TMBIM6: variants seen among roughly 807,000 people sequenced by gnomAD.
The protein encoded by TMBIM6 is transmembrane BAX inhibitor motif containing 6, also known as bax inhibitor 1.
In TMBIM6, 13 loss-of-function variants were observed where a neutral mutation model predicts 31.4. The observed-to-expected ratio is 0.41, with a 90% CI of 0.27 to 0.66. The LOEUF (loss-of-function observed/expected upper bound fraction) is 0.66, where lower values mean the gene tolerates loss of function less well. Ranked by LOEUF, TMBIM6 falls within the 30% of genes least tolerant of loss-of-function variation. The pLI, the probability that TMBIM6 is intolerant of heterozygous loss-of-function variation, is 0.28. For missense variants in TMBIM6, 275 were observed against 289.5 expected (o/e 0.95, Z 0.36); for synonymous variants, 85 against 101.7 (o/e 0.84, Z 0.99).
Position 49,761,153 on chromosome 12 carries a change from T to C in TMBIM6, c.615-551T>C, listed in dbSNP as rs1026401543. On this transcript the variant is annotated intron_variant, in intron 8 of 9. Transcript: ENST00000267115. ...GCTCGGCACTTTTTTTTTAATGTAG[T>C]GATTCTCTCAGTCTCATGACTAATT... 2.6e-5 allele frequency among the ~76,000 whole-genome samples: 4 copies of C among 151,312 alleles called. No homozygotes were observed. In the East Asian group the frequency reaches 7.9e-4, roughly 30 times the overall value.
chr12:49,763,035 T>C lies in TMBIM6; in HGVS notation c.*139T>C, dbSNP rs1945749724. On this transcript the variant is annotated 3_prime_UTR_variant, in exon 10 of 10. Transcript: ENST00000267115. ...TTGTACTTTGTGGTTTCCTCTATTT[T>C]GAATTTTTTGATCAAAAAACTGATT... The C allele has an allele frequency of 1.0e-6, 1 of 969,426 alleles. No homozygotes were observed. Among genetic ancestry groups the C allele is most frequent in the South Asian group, 2.0e-5 (1 of 49,432 alleles). The allele number at this position is 969,426 out of a possible 1,614,324, so 60.1% of individuals were successfully genotyped here.
rs1394531172 is a variant in TMBIM6 at position 49,762,852 on chromosome 12, G to A, written c.691-21G>A. 3 of 1,611,284 alleles carry A rather than the reference G, an allele frequency of 1.9e-6. No individual in the cohort carries two copies. In the Admixed American group the frequency reaches 5.0e-5, roughly 27 times the overall value. ...TGTCAAATGTCAAAAAATTAATTGG[G>A]TGATTTTTCTCCATTTCTAGGATAA... On this transcript the variant is annotated intron_variant, in intron 9 of 9. Transcript: ENST00000267115.
intron 9 of TMBIM6, 189 bp downstream of exon 9, chr12:49,761,968 T>A (rs201653311): frequency 1.7e-4 from 96 of 552,582 alleles, no homozygotes; most frequent in East Asian, 8.4e-4. Flanking sequence ...GAAAAAAAAA[T>A]TTTTTTAACT....
intron 3 of TMBIM6, among the ~76,000 whole-genome samples, chr12:49,754,116 G>C (rs1945545943): frequency 6.6e-6 from 1 of 152,092 alleles, no homozygotes; most frequent in Non-Finnish European, 1.5e-5. Context: ...TGGTCATTTA[G>C]TGCCACTTCC....
At chr12:49,742,200 G>A (rs766617632) in intron 1 of TMBIM6, 4 of 1,613,060 alleles carry the variant, frequency 2.5e-6, no homozygotes, top group East Asian at 4.5e-5. Context: ...GAGGCGGGAA[G>A]TGAGAGGAGT....
chr12:49,761,613 G>T (rs1010851058), intron 8 of TMBIM6, 91 bp from the exon 9 acceptor site: 1 of 1,155,824 alleles, frequency 8.7e-7, no homozygotes. Context: ...TGGCTCGTGG[G>T]GGTAGGGGTG....
rs1346258721 is a variant in TMBIM6 at position 49,764,172 on chromosome 12, C to G, written c.*1276C>G. The G allele has an allele frequency of 6.8e-6, 1 of 147,142 alleles. No individual in the cohort carries two copies. Among genetic ancestry groups the G allele is most frequent in the African/African-American group, 2.7e-5 (1 of 36,956 alleles). 9.1% of individuals were successfully genotyped at this position (147,142 alleles called of 1,614,324 possible). On this transcript the variant is annotated 3_prime_UTR_variant, in exon 10 of 10. Transcript: ENST00000267115. ...TGGCTTCAAGTGTGGGTGGACAGTC[C>G]TAATGGGGATCTCCAGCTCCTTCCT... is the stretch of plus-strand genomic sequence containing the variant.
At chr12:49,745,924 G>A (rs375301027) in intron 1 of TMBIM6, among the ~76,000 whole-genome samples, 196 of 152,218 alleles carry the variant, frequency 1.3e-3, no homozygotes, top group South Asian at 0.011. Flanking sequence ...ATAATGTTTG[G>A]TAGGTTATAT....
At chr12:49,743,102 C>T (rs904315406) in intron 1 of TMBIM6, among the ~76,000 whole-genome samples, 13 of 151,672 alleles carry the variant, frequency 8.6e-5, no homozygotes, top group African/African-American at 3.1e-4. Flanking sequence ...CCACCCCAGC[C>T]TCCTGAGTAG....
chr12:49,758,804 C>T, intron 7 of TMBIM6, 42 bp downstream of exon 7: 9 of 1,393,816 alleles, frequency 6.5e-6, no homozygotes, highest in African/African-American at 3.1e-5. Context: ...ATTTGCCTCA[C>T]ACTTCTTTCT....
chr12:49,746,080 CTT>C (rs552800208), intron 1 of TMBIM6, among the ~76,000 whole-genome samples: 1 of 143,932 alleles, frequency 6.9e-6, no homozygotes, highest in Non-Finnish European at 1.5e-5. Flanking sequence ...TCTTTTCTCT[CTT>C]TTTTTTTTTT....
chr12:49,761,083 G>A (rs12301239), intron 8 of TMBIM6, among the ~76,000 whole-genome samples: 2 of 151,948 alleles, frequency 1.3e-5, no homozygotes, highest in East Asian at 1.9e-4. Flanking sequence ...GGTGATGCCC[G>A]CCTCAGCCTT....
chr12:49,750,996 A>T (rs527738802), intron 1 of TMBIM6, among the ~76,000 whole-genome samples: 14 of 152,292 alleles, frequency 9.2e-5, no homozygotes, highest in African/African-American at 3.1e-4. Context: ...CTTTTCTGGT[A>T]GATTTAAAAT....
rs1314408803 is a variant in TMBIM6, at chr12:49,758,239, G to A, written c.299G>A (p.Gly100Asp). The A allele has an allele frequency of 1.2e-6, 2 of 1,614,108 alleles. No homozygotes were observed. The highest frequency in any genetic ancestry group is 1.3e-5 in the African/African-American group (1 of 74,936). The change falls in exon 5 of 10, where the codon GGC (glycine) becomes GAC (aspartate). Residue 100 changes from glycine (G) to aspartate (D), a missense_variant. Coordinates refer to ENST00000267115, the MANE Select transcript of TMBIM6 (RefSeq NM_003217.3). ...GFAFLTGVGLGPALEFCIAVN... is the reference protein window; with the variant it reads ...GFAFLTGVGLDPALEFCIAVN... ...TTCTGTTTTCTAGGAGTTGGCCTGG[G>A]CCCTGCCCTGGAGTTTTGTATTGCT... is the stretch of plus-strand genomic sequence containing the variant.
chr12:49,759,980 C>CG (rs1945682779), intron 8 of TMBIM6, among the ~76,000 whole-genome samples: 1 of 151,146 alleles, frequency 6.6e-6, no homozygotes, highest in Admixed American at 6.6e-5. Flanking sequence ...GGCGTGGTGG[C>CG]GGGCACCTGT....
rs1250034887 is a variant in TMBIM6, at chr12:49,758,773, G to A, written c.513+11G>A. 5.6e-6 allele frequency: 9 copies of A among 1,610,072 alleles called. No homozygotes were observed. The highest frequency in any genetic ancestry group is 7.6e-6 in the Non-Finnish European group (9 of 1,177,966). On this transcript the variant is annotated intron_variant, in intron 7 of 9. Coordinates refer to ENST00000267115, the MANE Select transcript of TMBIM6 (RefSeq NM_003217.3). Reference sequence around the variant, plus strand: ...ATTTGGCTTTTCCAGGTAAGACTTAGCCTGGAACTTTCCAGCAGCCATTTG... The same window carrying A: ...ATTTGGCTTTTCCAGGTAAGACTTAACCTGGAACTTTCCAGCAGCCATTTG...
intron 1 of TMBIM6, chr12:49,742,112 C>T (rs761815903): frequency 6.2e-7 from 1 of 1,605,216 alleles, no homozygotes; most frequent in Non-Finnish European, 8.5e-7. Context: ...AGCCAAGACT[C>T]GAGGTAGGGC....
intron 1 of TMBIM6, chr12:49,749,574 AGGGG>A (rs1018007521): frequency 3.3e-5 from 5 of 152,226 alleles, no homozygotes; most frequent in African/African-American, 1.2e-4. Flanking sequence ...CTGGGACTAC[AGGGG>A]CGTGCCTCTA....
rs1006506604 is a variant in TMBIM6, at chr12:49,741,980, T to G, written c.-31+369T>G. 1.0e-5 allele frequency: 12 copies of G among 1,145,414 alleles called. No individual in the cohort carries two copies. In the African/African-American group the frequency reaches 1.8e-4, roughly 18 times the overall value. 71.0% of individuals were successfully genotyped at this position (1,145,414 alleles called of 1,614,324 possible). A position where few individuals can be genotyped will look rare whatever the true frequency, so the allele number is the denominator to read the frequency against. On this transcript the variant is annotated intron_variant, in intron 1 of 9. Coordinates refer to ENST00000267115, the MANE Select transcript of TMBIM6 (RefSeq NM_003217.3). ...AGACGCAGGGCCCCTTGGCCTAGCT[T>G]CGATCGTTCGAATTCAGAGCACGTC...
Sources: gnomAD v4.1 joint callset for allele counts (sites outside exome capture counted in the v4.1 genomes callset) on GRCh38, gnomAD v4.1.1 for gene constraint, MANE v1.5 for transcripts, NCBI Gene and HGNC (gene_info 2026-07-23, HGNC 2026-07-21) for gene names.